Variants in C2CD2 observed in about 807,000 individuals in gnomAD.
The protein encoded by C2CD2 is C2 domain-containing protein 2.
C2CD2 carries 43 observed loss-of-function variants against 74.3 expected under a neutral mutation model. The observed-to-expected ratio is 0.58, with a 90% CI of 0.45 to 0.75. C2CD2 has a LOEUF of 0.75. Among genes scored for constraint, C2CD2 ranks in the 30% least tolerant of loss-of-function variants. The probability of loss-of-function intolerance (pLI) is 0.00; values close to 1 mark genes in which losing one functional copy is unlikely to be tolerated. For synonymous variants in C2CD2, 422 were observed against 390.7 expected (o/e 1.08, Z -0.94); for missense variants, 801 against 916.3 (o/e 0.87, Z 1.63).
At chr21:41,907,256 A>ATAAT in intron 9 of C2CD2, 90 bp from the exon 10 acceptor site, 2 of 979,868 alleles carry the variant, frequency 2.0e-6, no homozygotes, top group Non-Finnish European at 3.2e-6. Context: ...TGAAATAACC[A>ATAAT]TAATTCATAA....
rs2064864417 is a variant in C2CD2 at position 41,899,333 on chromosome 21, G to A, written c.1590C>T (p.Ala530=). 1 of 1,608,126 alleles carries A rather than the reference G, an allele frequency of 6.2e-7. No individual in the cohort carries two copies. The change falls in exon 13 of 14, where the codon GCC becomes GCT. Residue 530 remains alanine, a synonymous_variant. Transcript: ENST00000380486. This position sits in a 1 kb window ranked among gnomAD's most constrained non-coding sequence, Gnocchi z 4.4. ...KTSLSQDHDA[A]LMQGYTASVD... ...CAGAGGCCGTGTAGCCCTGCATCAG[G>A]GCAGCGTCGTGGTCCTGAGATAGTG...
At chr21:41,912,616 G>A (rs2065040659) in intron 6 of C2CD2, among the ~76,000 whole-genome samples, 176 bp from the exon 7 acceptor site, 2 of 151,806 alleles carry the variant, frequency 1.3e-5, no homozygotes, top group Non-Finnish European at 2.9e-5. Context: ...TCAGCTTCCC[G>A]AGTATCTGGG....
In C2CD2 at chr21:41,912,329, C is replaced by CA; in HGVS notation, c.953+2dup. On this transcript the variant is annotated splice_region_variant and intron_variant, in intron 7 of 13. Transcript: ENST00000380486. ...CACAGGCCCATAACCCGGCCAGACT[C>CA]ACAAGGTGAATTCCTCTTCCCACAT... The CA allele has an allele frequency of 6.2e-7, 1 of 1,600,310 alleles. No homozygotes were observed.
chr21:41,944,965 G>A (rs1002214071), intron 1 of C2CD2, among the ~76,000 whole-genome samples: 3 of 152,210 alleles, frequency 2.0e-5, no homozygotes, highest in African/African-American at 7.2e-5. Flanking sequence ...CACACTGAAG[G>A]GGATGGGAAA....
In C2CD2 at chr21:41,901,276, T is replaced by A. The variant is rs566537646; in HGVS notation, c.1560+346A>T. Reference sequence around the variant, plus strand: ...AAACGTGTCACGTGGAAAGTGAAAGTTCCCCGTGACTGGGTGGTGACGAGA... The same window carrying A: ...AAACGTGTCACGTGGAAAGTGAAAGATCCCCGTGACTGGGTGGTGACGAGA... On this transcript the variant is annotated intron_variant, in intron 12 of 13. Transcript: ENST00000380486. The A allele has an allele frequency of 1.7e-4, 58 of 347,960 alleles. 1 individual carries two copies. In the East Asian group the frequency reaches 3.7e-3, roughly 22 times the overall value. The allele number at this position is 347,960 out of a possible 1,614,324, so 21.6% of individuals were successfully genotyped here. A position where few individuals can be genotyped will look rare whatever the true frequency, so the allele number is the denominator to read the frequency against.
At chr21:41,933,142 G>A (rs71320505) in intron 2 of C2CD2, among the ~76,000 whole-genome samples, 36,296 of 149,886 alleles carry the variant, frequency 0.24, 6,177 homozygotes, top group Middle Eastern at 0.35. Flanking sequence ...AGAAAGATAG[G>A]AAGAGGCAAC....
At chr21:41,936,652 T>TA (rs147351406) in intron 2 of C2CD2, among the ~76,000 whole-genome samples, 2,223 of 152,066 alleles carry the variant, frequency 0.015, 40 homozygotes, top group African/African-American at 0.05. Flanking sequence ...TACATAGATT[T>TA]TTTCCCACCT....
intron 1 of C2CD2, among the ~76,000 whole-genome samples, chr21:41,947,651 C>G (rs2065412672): frequency 6.6e-6 from 1 of 152,194 alleles, no homozygotes; most frequent in Non-Finnish European, 1.5e-5. Flanking sequence ...AAAAATAAGA[C>G]TTTAAAGAGA....
In C2CD2 at chr21:41,912,396, G is replaced by C. The variant is rs776837567; in HGVS notation, c.889C>G (p.Gln297Glu). ...TTCGTCAGGGTGCTGGAGAACCTCTGAACAGGATCGTTCAGCTGCACGACG... is the reference window on the plus strand; with the variant it reads ...TTCGTCAGGGTGCTGGAGAACCTCTCAACAGGATCGTTCAGCTGCACGACG... Reference protein sequence around the residue: ...VCVVQLNDPVQRFSSTLTKNT... With the variant: ...VCVVQLNDPVERFSSTLTKNT... The change falls in exon 7 of 14, where the codon CAG becomes GAG. Residue 297 changes from glutamine to glutamate, a missense_variant. Coordinates refer to ENST00000380486, the MANE Select transcript of C2CD2 (RefSeq NM_015500.2). 1 of 1,612,880 alleles carries C rather than the reference G, an allele frequency of 6.2e-7. No homozygotes were observed. The highest frequency in any genetic ancestry group is 1.1e-5 in the South Asian group (1 of 90,820).
At chr21:41,921,055 C>T (rs419214) in intron 3 of C2CD2, among the ~76,000 whole-genome samples, 39,835 of 152,076 alleles carry the variant, frequency 0.26, 5,362 homozygotes, top group Non-Finnish European at 0.29. Flanking sequence ...GAGGAACTAG[C>T]GGGGTGGATT....
chr21:41,938,333 G>A (rs2065326117), intron 2 of C2CD2, among the ~76,000 whole-genome samples: 1 of 152,152 alleles, frequency 6.6e-6, no homozygotes, highest in Non-Finnish European at 1.5e-5. Flanking sequence ...AACAAAGCTT[G>A]TATGTGAAAT....
chr21:41,930,892 C>G (rs1262290678), intron 2 of C2CD2, among the ~76,000 whole-genome samples: 1 of 149,882 alleles, frequency 6.7e-6, no homozygotes, highest in African/African-American at 2.4e-5. Flanking sequence ...TGAAAAGCTT[C>G]TGAACCCCCA....
At position 41,929,931 on chromosome 21, in the gene C2CD2, C is replaced by T. The variant is rs921967089; in HGVS notation, c.379-7846G>A. The stretch of plus-strand genomic sequence containing the variant: ...GCTTAGGGGAAGAACAGGCTTCTGC[C>T]TTAAGGGTACCCCTTTGCTTTTGGG... On this transcript the variant is annotated intron_variant, in intron 2 of 13. Transcript: ENST00000380486. This position sits in a 1 kb window ranked among gnomAD's most constrained non-coding sequence, Gnocchi z 4.6. Among the ~76,000 whole-genome samples the T allele has an allele frequency of 1.3e-5, 2 of 152,204 alleles. No homozygotes were observed. The highest frequency in any genetic ancestry group is 4.8e-5 in the African/African-American group (2 of 41,458).
chr21:41,888,585 C>G lies in C2CD2; in HGVS notation c.*539G>C, dbSNP rs1349965078. On this transcript the variant is annotated 3_prime_UTR_variant, in exon 14 of 14. Transcript: ENST00000380486. ...TCTTATCAAAATTTCTCTATTAATC[C>G]AAAATCCTGCCTATGTTCCACTTCC... The G allele has an allele frequency of 6.3e-6, 1 of 158,912 alleles. No individual in the cohort carries two copies. Among genetic ancestry groups the G allele is most frequent in the African/African-American group, 2.4e-5 (1 of 41,330 alleles). 9.8% of individuals were successfully genotyped at this position (158,912 alleles called of 1,614,324 possible).
intron 11 of C2CD2, among the ~76,000 whole-genome samples, chr21:41,902,096 A>G (rs1487180366): frequency 6.6e-6 from 1 of 152,214 alleles, no homozygotes; most frequent in African/African-American, 2.4e-5. Flanking sequence ...TGGTTACAAG[A>G]TACTCACTGA....
chr21:41,950,594 G>A (rs1391451078), intron 1 of C2CD2, among the ~76,000 whole-genome samples: 7 of 152,148 alleles, frequency 4.6e-5, no homozygotes, highest in South Asian at 2.1e-4. Flanking sequence ...AGCTCTTCTC[G>A]CTGGCTCTCA....
At chr21:41,936,560 T>C (rs1439748030) in intron 2 of C2CD2, among the ~76,000 whole-genome samples, 1 of 152,132 alleles carries the variant, frequency 6.6e-6, no homozygotes, top group East Asian at 1.9e-4. Context: ...AACAGAGAAC[T>C]ACCATATGAT....
intron 13 of C2CD2, among the ~76,000 whole-genome samples, chr21:41,891,788 G>T (rs573186146): frequency 6.6e-4 from 100 of 152,180 alleles, no homozygotes; most frequent in Middle Eastern, 3.4e-3. Flanking sequence ...GGAGGCCTAG[G>T]GGGAGGGAAC....
Position 41,885,674 on chromosome 21 carries a change from G to T in C2CD2, c.*3450C>A, listed in dbSNP as rs868598137. On this transcript the variant is annotated 3_prime_UTR_variant, in exon 14 of 14. Transcript: ENST00000380486. ...TCCACCATCCACCAATTTGTACTCTGAAGTTTCCAGATCAAGAGCCGTGAG... is the reference window on the plus strand; with the variant it reads ...TCCACCATCCACCAATTTGTACTCTTAAGTTTCCAGATCAAGAGCCGTGAG... 1 of 152,454 alleles carries T rather than the reference G, an allele frequency of 6.6e-6. No homozygotes were observed. The highest frequency in any genetic ancestry group is 1.9e-4 in the East Asian group (1 of 5,198). The allele number at this position is 152,454 out of a possible 1,614,324, so 9.4% of individuals were successfully genotyped here. A position where few individuals can be genotyped will look rare whatever the true frequency, so the allele number is the denominator to read the frequency against.
Sources: allele counts gnomAD v4.1 joint callset (sites outside exome capture counted in the v4.1 genomes callset), GRCh38; gene constraint gnomAD v4.1.1; non-coding constraint Gnocchi (gnomAD v3.1); transcripts MANE v1.5; gene names NCBI Gene and HGNC (gene_info 2026-07-23, HGNC 2026-07-21).